The following KCNN2 variants were observed in gnomAD, a reference collection of about 807,000 sequenced individuals.
KCNN2 encodes small conductance calcium-activated potassium channel protein 2.
In KCNN2, 24 loss-of-function variants were observed where a neutral mutation model predicts 55.5. That is an observed-to-expected ratio of 0.43 (90% confidence interval 0.31 to 0.61). The LOEUF (loss-of-function observed/expected upper bound fraction) is 0.61, where lower values mean the gene tolerates loss of function less well. Among genes scored for constraint, KCNN2 ranks in the 20% least tolerant of loss-of-function variants. The pLI, the probability that KCNN2 is intolerant of heterozygous loss-of-function variation, is 0.08. For synonymous variants in KCNN2, 431 were observed against 336.1 expected (o/e 1.28, Z -3.09); for missense variants, 754 against 853.6 (o/e 0.88, Z 1.45).
Position 114,362,937 on chromosome 5 carries a change from C to CGCT in KCNN2, c.800_801insTGC (p.Ala270dup), listed in dbSNP as rs2150045733. 1.9e-6 allele frequency: 3 copies of CGCT among 1,547,124 alleles called. No individual in the cohort carries two copies. In the South Asian group the frequency reaches 3.4e-5, roughly 18 times the overall value. On this transcript the variant is annotated inframe_insertion, in exon 1 of 8. Transcript: ENST00000673685. ...CGTCCTCCCCGTCTGCAGCCGCTGC[C>CGCT]GCCGCCGCCGCTGTTTCGTCCTCAG...
At chr5:114,279,765 T>C (rs200766187) in intron 2 of KCNN2, among the ~76,000 whole-genome samples, 135,068 of 150,652 alleles carry the variant, frequency 0.9, 60,964 homozygotes, top group East Asian at 0.94. Context: ...AACATATGTG[T>C]GCGTGTGTCT....
intron 2 of KCNN2, among the ~76,000 whole-genome samples, chr5:114,246,587 A>C (rs538520709): frequency 1.3e-5 from 2 of 151,496 alleles, no homozygotes; most frequent in South Asian, 4.1e-4. Flanking sequence ...AAAAACTAAC[A>C]TTGGTATCGT....
intron 1 of KCNN2, among the ~76,000 whole-genome samples, chr5:114,209,565 C>G (rs747314331): frequency 7.2e-5 from 11 of 151,764 alleles, no homozygotes; most frequent in Non-Finnish European, 1.3e-4. Flanking sequence ...GTAATTAAAC[C>G]TAAGAAAACT....
intron 1 of KCNN2, among the ~76,000 whole-genome samples, chr5:114,131,066 T>C (rs1017463836): frequency 3.3e-5 from 5 of 152,240 alleles, no homozygotes; most frequent in Non-Finnish European, 7.3e-5. Flanking sequence ...TCTTTTTTTT[T>C]CTAAGCCATT....
chr5:114,363,362 G>A, intron 1 of KCNN2, 101 bp downstream of exon 1: 1 of 1,385,098 alleles, frequency 7.2e-7, no homozygotes, highest in African/African-American at 1.5e-5. Flanking sequence ...TAGCCTCTCC[G>A]GGACGATCAA....
At chr5:114,106,030 G>A (rs1165344175) in intron 1 of KCNN2, among the ~76,000 whole-genome samples, 2 of 151,850 alleles carry the variant, frequency 1.3e-5, no homozygotes, top group East Asian at 1.9e-4. Flanking sequence ...GTAGTAACAA[G>A]TATATTATTA....
intron 2 of KCNN2, among the ~76,000 whole-genome samples, chr5:114,365,868 A>G (rs1056728617): frequency 1.3e-5 from 2 of 152,244 alleles, no homozygotes; most frequent in Admixed American, 1.3e-4. Flanking sequence ...ATTAAATATC[A>G]GCTTTGTGTT....
intron 3 of KCNN2, among the ~76,000 whole-genome samples, chr5:114,438,129 A>G (rs761471873): frequency 2.0e-5 from 3 of 152,174 alleles, no homozygotes; most frequent in Non-Finnish European, 2.9e-5. Flanking sequence ...ATTGCCAGCA[A>G]TCTGCCACAT....
chr5:114,250,252 T>G (rs1023873194), intron 2 of KCNN2, among the ~76,000 whole-genome samples: 3 of 152,206 alleles, frequency 2.0e-5, no homozygotes, highest in Admixed American at 6.5e-5. Context: ...CCTTAACTGA[T>G]GTGTATCCCC....
intron 2 of KCNN2, among the ~76,000 whole-genome samples, chr5:114,336,173 T>G (rs1421017011): frequency 6.6e-6 from 1 of 152,202 alleles, no homozygotes; most frequent in Non-Finnish European, 1.5e-5. Flanking sequence ...GAAACAAACA[T>G]GTTTTAAACA....
chr5:114,111,572 A>C (rs940948161), intron 1 of KCNN2, among the ~76,000 whole-genome samples: 2 of 152,222 alleles, frequency 1.3e-5, no homozygotes, highest in Admixed American at 6.5e-5. Flanking sequence ...AAATTTTTGC[A>C]ATCTATCCAT....
intron 2 of KCNN2, among the ~76,000 whole-genome samples, chr5:114,347,874 G>A (rs1436518813): frequency 6.6e-6 from 1 of 152,110 alleles, no homozygotes; most frequent in African/African-American, 2.4e-5. Context: ...AGACAATGTT[G>A]AACTATTGGC....
chr5:114,161,970 G>C (rs908873317), intron 1 of KCNN2, among the ~76,000 whole-genome samples: 1 of 152,154 alleles, frequency 6.6e-6, no homozygotes, highest in African/African-American at 2.4e-5. Context: ...GCTTGGAGTA[G>C]TTTGATCTTC....
intron 1 of KCNN2, among the ~76,000 whole-genome samples, chr5:114,086,785 T>G (rs2112548723): frequency 6.6e-6 from 1 of 152,336 alleles, no homozygotes; most frequent in African/African-American, 2.4e-5. Context: ...TGTTTTCTTT[T>G]GGATATATAC....
chr5:114,103,548 A>G (rs982480560), intron 1 of KCNN2, among the ~76,000 whole-genome samples: 46 of 152,102 alleles, frequency 3.0e-4, no homozygotes, highest in African/African-American at 1.1e-3. Context: ...TCAGTGTGAT[A>G]TTGGCTGTGG....
At position 114,439,781 on chromosome 5, in the gene KCNN2, A is replaced by G. The variant is rs551599520; in HGVS notation, c.1638-23268A>G. On this transcript the variant is annotated intron_variant, in intron 3 of 7. Coordinates refer to ENST00000673685, the MANE Select transcript of KCNN2 (RefSeq NM_021614.4). ...CACCACAGAAAGAAAGCAAACCAAC[A>G]AACAAAAAAACACCCTTGATTCCCA... Among the ~76,000 whole-genome samples the G allele has an allele frequency of 7.2e-5, 11 of 152,302 alleles. No homozygotes were observed. The South Asian group carries it at 1.9e-3, about 26-fold the overall frequency.
chr5:114,204,429 G>A (rs980229135), intron 1 of KCNN2, among the ~76,000 whole-genome samples: 3 of 152,070 alleles, frequency 2.0e-5, no homozygotes, highest in Non-Finnish European at 2.9e-5. Flanking sequence ...ATTCAGACCC[G>A]GAAAAGCCAA....
chr5:114,392,531 A>G (rs1758476445), intron 2 of KCNN2, among the ~76,000 whole-genome samples: 1 of 152,204 alleles, frequency 6.6e-6, no homozygotes, highest in Admixed American at 6.5e-5. Flanking sequence ...AGGGAATGAC[A>G]AGCATCAGCT....
At chr5:114,242,532 G>T (rs1754666147) in intron 2 of KCNN2, among the ~76,000 whole-genome samples, 1 of 152,134 alleles carries the variant, frequency 6.6e-6, no homozygotes, top group African/African-American at 2.4e-5. Flanking sequence ...TCTACCAAAA[G>T]AATGATTATA....
Sources: allele counts gnomAD v4.1 joint callset (sites outside exome capture counted in the v4.1 genomes callset), GRCh38; gene constraint gnomAD v4.1.1; transcripts MANE v1.5; gene names NCBI Gene and HGNC (gene_info 2026-07-23, HGNC 2026-07-21).